CTSB: variants seen among roughly 807,000 people sequenced by gnomAD.
CTSB encodes cathepsin B, also known as APP secretase.
Under a neutral mutation model 44.3 loss-of-function variants are expected in CTSB, and 57 were observed. The observed-to-expected ratio is 1.29, with a 90% CI of 1.04 to 1.60. The LOEUF is 1.60. Ranked by LOEUF, CTSB falls within the 40% of genes most tolerant of loss-of-function variation. The pLI is 0.00. For missense variants in CTSB, 768 were observed against 443.0 expected (o/e 1.73, Z -6.59); for synonymous variants, 320 against 168.0 (o/e 1.91, Z -7.00).
chr8:11,856,257 G>C (rs1415560259), intron 1 of CTSB, among the ~76,000 whole-genome samples: 1 of 151,982 alleles, frequency 6.6e-6, no homozygotes, highest in Non-Finnish European at 1.5e-5. Context: ...GCATGTCCTG[G>C]AAATGAATCA....
In CTSB at chr8:11,853,485, G is replaced by C. The variant is rs376955752; in HGVS notation, c.-25-6C>G. On this transcript the variant is annotated splice_polypyrimidine_tract_variant and splice_region_variant and intron_variant, in intron 1 of 9. Transcript: ENST00000353047. The stretch of plus-strand genomic sequence containing the variant: ...AAGCCGGATCCTAGATCCACCTGGA[G>C]AGGACAGAGGGCATCAGGACACCTC... The C allele has an allele frequency of 6.2e-7, 1 of 1,606,366 alleles. No individual in the cohort carries two copies. Among genetic ancestry groups the C allele is most frequent in the South Asian group, 1.1e-5 (1 of 90,650 alleles).
chr8:11,846,005 G>GAAAT, intron 8 of CTSB: 1 of 397,722 alleles, frequency 2.5e-6, no homozygotes, highest in Middle Eastern at 6.4e-4. Flanking sequence ...AGTAAATATT[G>GAAAT]AAATAGATTC....
At position 11,847,115 on chromosome 8, in the gene CTSB, A is replaced by C. The variant is rs749428290; in HGVS notation, c.730T>G (p.Tyr244Asp). The C allele has an allele frequency of 6.2e-7, 1 of 1,609,252 alleles. No homozygotes were observed. Among genetic ancestry groups the C allele is most frequent in the South Asian group, 1.1e-5 (1 of 90,968 alleles). ...NSEKDIMAEI[Y>D]KNGPVEGAFS... ...GCTCCCTCCACGGGGCCGTTTTTGTAGATCTCGGCCATGATGTCCTTCTCG... is the reference window on the plus strand; with the variant it reads ...GCTCCCTCCACGGGGCCGTTTTTGTCGATCTCGGCCATGATGTCCTTCTCG... Residue 244 changes from tyrosine to aspartate, a missense_variant, in exon 8 of 10, where the codon TAC becomes GAC. Tyr to Asp is a radical substitution (Grantham distance 160). Transcript: ENST00000353047.
intron 1 of CTSB, among the ~76,000 whole-genome samples, chr8:11,855,389 G>A (rs1815339093): frequency 6.6e-6 from 1 of 152,224 alleles, no homozygotes; most frequent in South Asian, 2.1e-4. Flanking sequence ...GGGTGCGGTG[G>A]CTGATGCCTA....
chr8:11,866,905 G>C (rs886514439), intron 1 of CTSB, among the ~76,000 whole-genome samples: 1 of 152,136 alleles, frequency 6.6e-6, no homozygotes, highest in African/African-American at 2.4e-5. Flanking sequence ...GATTCAAAGA[G>C]AGTGCATCTC....
rs1489341718 is a variant in CTSB, at chr8:11,852,655, T to G, written c.167A>C (p.Lys56Thr). ...ACCCAGGAAGGTACCACATAGCCTC[T>G]TCAAGTAGCTCATGTCCACGTTGTA... ...NFYNVDMSYL[K>T]RLCGTFLGGP... The change falls in exon 3 of 10, where the codon AAG (lysine) becomes ACG (threonine). Residue 56 changes from lysine to threonine, a missense_variant. Lys to Thr is a moderately conservative substitution (Grantham distance 78). Transcript: ENST00000353047. 1 of 1,614,062 alleles carries G rather than the reference T, an allele frequency of 6.2e-7. No individual in the cohort carries two copies. The highest frequency in any genetic ancestry group is 1.3e-5 in the African/African-American group (1 of 75,046).
Position 11,853,341 on chromosome 8 carries a change from ATTCCG to A in CTSB, c.109_113del (p.Arg37TyrfsTer81), listed in dbSNP as rs1239864465. On this transcript the variant is annotated frameshift_variant, in exon 2 of 10. Transcript: ENST00000353047. LOFTEE classifies it high-confidence loss of function. ...CCCCACAGCCTACCTGCCACGTGGT[ATTCCG>A]TTTGTTGACATAGTTGACCAGCTCA... 1 of 1,613,222 alleles carries A rather than the reference ATTCCG, an allele frequency of 6.2e-7. No homozygotes were observed. The highest frequency in any genetic ancestry group is 1.3e-5 in the African/African-American group (1 of 74,624).
At chr8:11,851,825 C>T (rs1216364026) in intron 3 of CTSB, among the ~76,000 whole-genome samples, 1 of 152,068 alleles carries the variant, frequency 6.6e-6, no homozygotes, top group Non-Finnish European at 1.5e-5. Flanking sequence ...CGCCACCACG[C>T]CTGGCAAAGT....
intron 1 of CTSB, among the ~76,000 whole-genome samples, chr8:11,858,241 A>T (rs906519778): frequency 6.6e-6 from 1 of 152,194 alleles, no homozygotes; most frequent in African/African-American, 2.4e-5. Flanking sequence ...GTTCACACTA[A>T]ACCTATTCCA....
intron 1 of CTSB, among the ~76,000 whole-genome samples, chr8:11,855,953 A>G (rs903110277): frequency 6.6e-6 from 1 of 152,140 alleles, no homozygotes; most frequent in African/African-American, 2.4e-5. Context: ...ACTTGAACCC[A>G]GGAGGTGGAG....
In CTSB at chr8:11,862,023, C is replaced by T. The variant is rs143459571; in HGVS notation, c.-26+5978G>A. Among the ~76,000 whole-genome samples the T allele has an allele frequency of 1.2e-3, 190 of 152,126 alleles. 3 individuals are homozygous for T. The highest frequency in any genetic ancestry group is 9.9e-4 in the Non-Finnish European group (67 of 67,994). On this transcript the variant is annotated intron_variant, in intron 1 of 9. Transcript: ENST00000353047. The stretch of plus-strand genomic sequence containing the variant: ...GAGATCGAGACCATCCTGGATAACA[C>T]GGTGAAACCCCGTTTCTACTAAAAA...
chr8:11,853,417 A>C lies in CTSB; in HGVS notation c.38T>G (p.Val13Gly), dbSNP rs200211618. Residue 13 changes from valine to glycine, a missense_variant, in exon 2 of 10, where the codon GTG becomes GGG. Val to Gly is a moderately radical substitution (Grantham distance 109). Transcript: ENST00000353047. ...GGGCCTGCTCCGGGCATTGGCCAAC[A>C]CCAGCAGGCAGCAGAGGGAGGCCCA... Reference protein sequence around the residue: ...QLWASLCCLLVLANARSRPSF... With the variant: ...QLWASLCCLLGLANARSRPSF... The C allele has an allele frequency of 1.9e-6, 3 of 1,612,608 alleles. No homozygotes were observed. Among genetic ancestry groups the C allele is most frequent in the Non-Finnish European group, 2.5e-6 (3 of 1,179,790 alleles).
Position 11,845,676 on chromosome 8 carries a change from C to G in CTSB, c.907G>C (p.Asp303His). The G allele has an allele frequency of 6.2e-7, 1 of 1,613,528 alleles. No homozygotes were observed. The highest frequency in any genetic ancestry group is 2.2e-5 in the East Asian group (1 of 44,862). Reference sequence around the variant, plus strand: ...AGCCACTCACCATTGTCACCCCAGTCAGTGTTCCAGGAGTTGGCAACCAGC... The same window carrying G: ...AGCCACTCACCATTGTCACCCCAGTGAGTGTTCCAGGAGTTGGCAACCAGC... ...YWLVANSWNT[D>H]WGDNGFFKIL... The change falls in exon 9 of 10, where the codon GAC (aspartate) becomes CAC (histidine). Residue 303 changes from aspartate to histidine, a missense_variant. Transcript: ENST00000353047.
chr8:11,864,458 A>G (rs1816840332), intron 1 of CTSB: 2 of 151,644 alleles, frequency 1.3e-5, no homozygotes, highest in African/African-American at 2.4e-5. Context: ...ACCACTGCAC[A>G]CCAGCCTGGG....
intron 3 of CTSB, among the ~76,000 whole-genome samples, chr8:11,851,906 A>T (rs1001291436): frequency 7.9e-5 from 12 of 152,028 alleles, no homozygotes; most frequent in Non-Finnish European, 1.6e-4. Context: ...ACCTCAGGTG[A>T]TCCGCTTGCC....
chr8:11,849,276 T>G, intron 4 of CTSB, 112 bp from the exon 5 acceptor site: 5 of 728,428 alleles, frequency 6.9e-6, no homozygotes, highest in Non-Finnish European at 1.2e-5. Flanking sequence ...AACTGATCTC[T>G]CAACACCAGG....
chr8:11,863,981 T>C (rs984440131), intron 1 of CTSB, among the ~76,000 whole-genome samples: 2 of 152,116 alleles, frequency 1.3e-5, no homozygotes, highest in Non-Finnish European at 2.9e-5. Context: ...TATTGTAGCA[T>C]GGGATAATAG....
Position 11,844,333 on chromosome 8 carries a change from A to C in CTSB, c.*792T>G, listed in dbSNP as rs1736078. On this transcript the variant is annotated 3_prime_UTR_variant, in exon 10 of 10. Coordinates refer to ENST00000353047, the MANE Select transcript of CTSB (RefSeq NM_001908.5). The stretch of plus-strand genomic sequence containing the variant: ...CAGAGTAGACTTCAAGTTGGAGAAA[A>C]CTTTTATTGGCACAGGCATTCCTTG... The C allele has an allele frequency of 0.98, 148,713 of 152,338 alleles. 72,686 individuals carry two copies. The highest frequency in any genetic ancestry group is 1 in the East Asian group (5,190 of 5,190). The allele number at this position is 152,338 out of a possible 1,614,324, so 9.4% of individuals were successfully genotyped here.
At chr8:11,863,227 A>G (rs961247170) in intron 1 of CTSB, among the ~76,000 whole-genome samples, 2 of 152,184 alleles carry the variant, frequency 1.3e-5, no homozygotes, top group Non-Finnish European at 2.9e-5. Flanking sequence ...TAGGGAAGCC[A>G]AGACAGGCAG....
Sources: allele counts gnomAD v4.1 joint callset (sites outside exome capture counted in the v4.1 genomes callset), GRCh38; gene constraint gnomAD v4.1.1; transcripts MANE v1.5; gene names NCBI Gene and HGNC (gene_info 2026-07-23, HGNC 2026-07-21).